RP1: variants seen among roughly 807,000 people sequenced by gnomAD.
RP1 encodes RP1 axonemal microtubule associated, also known as oxygen-regulated protein 1.
In RP1, 16 loss-of-function variants were observed where a neutral mutation model predicts 14.8. The observed-to-expected ratio is 1.08, with a 90% CI of 0.73 to 1.65. The LOEUF is 1.65. Among genes scored for constraint, RP1 ranks in the 40% most tolerant of loss-of-function variants. The pLI is 0.00. For missense variants in RP1, 2,631 were observed against 2,535.0 expected (o/e 1.04, Z -0.81); for synonymous variants, 876 against 883.6 (o/e 0.99, Z 0.15).
At chr8:54,765,963 G>C (rs936781103) in intron 22 of RP1, among the ~76,000 whole-genome samples, 1 of 152,010 alleles carries the variant, frequency 6.6e-6, no homozygotes, top group African/African-American at 2.4e-5. Flanking sequence ...CTTGTACCAA[G>C]TATGGATTTA....
At chr8:54,594,791 G>C (rs991902082) in intron 1 of RP1, among the ~76,000 whole-genome samples, 1 of 152,130 alleles carries the variant, frequency 6.6e-6, no homozygotes, top group Non-Finnish European at 1.5e-5. Context: ...AGATACATAT[G>C]CTAGGAATTT....
intron 11 of RP1, chr8:54,679,700 A>C: frequency 6.6e-7 from 1 of 1,526,528 alleles, no homozygotes; most frequent in East Asian, 2.4e-5. Context: ...TGTTAAAACA[A>C]AACAGCCTAT....
intron 24 of RP1, chr8:54,783,741 T>C (rs999430251): frequency 4.2e-5 from 51 of 1,202,084 alleles, no homozygotes; most frequent in Non-Finnish European, 5.0e-5. Context: ...ACTTGTTTGC[T>C]AAGATATATT....
At chr8:54,583,369 A>G (rs529083549) in intron 1 of RP1, among the ~76,000 whole-genome samples, 14 of 152,272 alleles carry the variant, frequency 9.2e-5, no homozygotes, top group African/African-American at 3.1e-4. Flanking sequence ...TGTGGTGGAT[A>G]AGCTTTTTGA....
intron 24 of RP1, among the ~76,000 whole-genome samples, chr8:54,826,111 G>T (rs1563388289): frequency 6.6e-6 from 1 of 152,166 alleles, no homozygotes; most frequent in Admixed American, 6.5e-5. Flanking sequence ...TGTAATAAGA[G>T]ATGGTTGACT....
downstream of RP1, among the ~76,000 whole-genome samples, chr8:54,632,452 G>A (rs971493483): frequency 6.6e-6 from 1 of 152,312 alleles, no homozygotes; most frequent in South Asian, 2.1e-4. Flanking sequence ...AAGTGAACGT[G>A]TTCACATGCA....
At chr8:54,828,225 A>G (rs1243839760) in intron 24 of RP1, among the ~76,000 whole-genome samples, 1 of 152,246 alleles carries the variant, frequency 6.6e-6, no homozygotes, top group African/African-American at 2.4e-5. Context: ...AACCAGTAGC[A>G]TAGTCATTTA....
chr8:54,682,972 T>C (rs1006334942), intron 12 of RP1, among the ~76,000 whole-genome samples: 1 of 152,226 alleles, frequency 6.6e-6, no homozygotes, highest in Non-Finnish European at 1.5e-5. Context: ...AGTTAATTTG[T>C]GTATAAGGTG....
At chr8:54,779,277 T>G (rs969681694) in intron 23 of RP1, among the ~76,000 whole-genome samples, 1 of 152,200 alleles carries the variant, frequency 6.6e-6, no homozygotes, top group African/African-American at 2.4e-5. Context: ...GTAAGAGTCA[T>G]GGGAACACGT....
At chr8:54,839,420 A>G (rs554812360) in intron 25 of RP1, among the ~76,000 whole-genome samples, 11 of 152,346 alleles carry the variant, frequency 7.2e-5, no homozygotes, top group Non-Finnish European at 1.6e-4. Flanking sequence ...GCCAGGAGTA[A>G]TGAGCACCAG....
In RP1 at chr8:54,796,728, C is replaced by G. The variant is rs747158456; in HGVS notation, c.3615+13018C>G. On this transcript the variant is annotated intron_variant, in intron 24 of 28. Coordinates refer to the RP1 transcript ENST00000637698. ...AGAGGGAGTATGGCCTCATTGACGT[C>G]TTGATTTCAGACTTCCAGGATCCAG... Among the ~76,000 whole-genome samples the G allele has an allele frequency of 3.2e-4, 48 of 152,212 alleles. No individual in the cohort carries two copies. The Middle Eastern group carries it at 0.014, about 43-fold the overall frequency.
chr8:54,817,194 C>T (rs1015794867), intron 24 of RP1, among the ~76,000 whole-genome samples: 1 of 152,090 alleles, frequency 6.6e-6, no homozygotes, highest in African/African-American at 2.4e-5. Flanking sequence ...TCATTGCTGT[C>T]TCTTCCCAGT....
intron 24 of RP1, among the ~76,000 whole-genome samples, chr8:54,792,363 A>G (rs1207504226): frequency 1.3e-5 from 2 of 151,960 alleles, no homozygotes; most frequent in South Asian, 2.1e-4. Context: ...AACCCAGTGA[A>G]CCTAACAGAC....
intron 3 of RP1, among the ~76,000 whole-genome samples, chr8:54,641,065 C>T (rs758161511): frequency 6.6e-6 from 1 of 151,718 alleles, no homozygotes; most frequent in Non-Finnish European, 1.5e-5. Context: ...CTTCCTCAGC[C>T]TCCTGAGTAG....
At chr8:54,706,713 C>G (rs1192398893) in intron 15 of RP1, 10 of 1,495,406 alleles carry the variant, frequency 6.7e-6, no homozygotes, top group Non-Finnish European at 8.1e-6. Flanking sequence ...CAGTTGTAGA[C>G]ATGAGAATAG....
At chr8:54,721,909 A>G (rs1162924656) in intron 16 of RP1, among the ~76,000 whole-genome samples, 3 of 152,148 alleles carry the variant, frequency 2.0e-5, no homozygotes, top group Non-Finnish European at 2.9e-5. Context: ...TAAAAACTCT[A>G]TCTTAGGGGA....
intron 12 of RP1, among the ~76,000 whole-genome samples, chr8:54,693,548 G>T (rs1305248641): frequency 6.6e-6 from 1 of 152,084 alleles, no homozygotes; most frequent in Non-Finnish European, 1.5e-5. Flanking sequence ...CTTGTAAGTT[G>T]AATTCCTAGA....
chr8:54,577,201 A>G (rs964497666), intron 1 of RP1, among the ~76,000 whole-genome samples: 2 of 152,034 alleles, frequency 1.3e-5, no homozygotes, highest in Non-Finnish European at 2.9e-5. Flanking sequence ...TTTTTAGTAG[A>G]GATGGTGTTT....
intron 12 of RP1, among the ~76,000 whole-genome samples, chr8:54,691,679 A>T (rs78044559): frequency 0.029 from 4,456 of 152,098 alleles, 127 homozygotes; most frequent in African/African-American, 0.066. Flanking sequence ...AGTGAAGAGC[A>T]TGTAGGGGAC....
Sources: allele counts gnomAD v4.1 joint callset (sites outside exome capture counted in the v4.1 genomes callset), GRCh38; gene constraint gnomAD v4.1.1; transcripts MANE v1.5; gene names NCBI Gene and HGNC (gene_info 2026-07-23, HGNC 2026-07-21).